Variants in CTNNA3 observed in about 807,000 individuals in gnomAD.
CTNNA3 encodes the protein catenin alpha 3.
CTNNA3 carries 76 observed loss-of-function variants against 95.7 expected under a neutral mutation model. That is an observed-to-expected ratio of 0.79 (90% CI 0.66 to 0.96). CTNNA3 has a LOEUF of 0.96. CTNNA3 is among the 40% of genes least tolerant of loss of function. The pLI, the probability that CTNNA3 is intolerant of heterozygous loss-of-function variation, is 0.00. For synonymous variants in CTNNA3, 431 were observed against 374.4 expected (o/e 1.15, Z -1.74); for missense variants, 1,191 against 1,089.8 (o/e 1.09, Z -1.31).
At chr10:66,601,284 A>T (rs987507159) in intron 10 of CTNNA3, among the ~76,000 whole-genome samples, 2 of 151,990 alleles carry the variant, frequency 1.3e-5, no homozygotes, top group African/African-American at 4.8e-5. Context: ...AATTGAAAAA[A>T]AAGTAGTTTA....
intron 4 of CTNNA3, among the ~76,000 whole-genome samples, chr10:67,535,964 T>A (rs2077486671): frequency 1.3e-5 from 2 of 151,596 alleles, no homozygotes; most frequent in Non-Finnish European, 2.9e-5. Flanking sequence ...ACACCATGAG[T>A]AAAAGCAAGG....
At position 66,367,635 on chromosome 10, in the gene CTNNA3, A is replaced by G. The variant is rs1267216311; in HGVS notation, c.1732+11517T>C. 2.0e-5 allele frequency among the ~76,000 whole-genome samples: 3 copies of G among 149,738 alleles called. No individual in the cohort carries two copies. In the East Asian group the frequency reaches 5.9e-4, roughly 29 times the overall value. On this transcript the variant is annotated intron_variant, in intron 12 of 17. Coordinates refer to ENST00000433211, the MANE Select transcript of CTNNA3 (RefSeq NM_013266.4). Reference sequence around the variant, plus strand: ...CAATGACAAAAGAAATGACAAATATAGGAAATGAACAAATACAAAAAGTTA... The same window carrying G: ...CAATGACAAAAGAAATGACAAATATGGGAAATGAACAAATACAAAAAGTTA...
At chr10:66,749,312 G>T (rs1326797925) in intron 9 of CTNNA3, among the ~76,000 whole-genome samples, 1 of 150,586 alleles carries the variant, frequency 6.6e-6, no homozygotes, top group Non-Finnish European at 1.5e-5. Context: ...ATCCACCGTT[G>T]CAGTATCCTA....
intron 7 of CTNNA3, among the ~76,000 whole-genome samples, chr10:66,990,086 G>A (rs1850960477): frequency 6.6e-6 from 1 of 152,132 alleles, no homozygotes; most frequent in African/African-American, 2.4e-5. Context: ...GGTTGGAGAA[G>A]TCTTCATTTT....
rs11816239 is a variant in CTNNA3, at chr10:66,244,445, C to T, written c.1884+36025G>A. ...AGTTACAGTGGGCTTTGAGCAAGAC[C>T]CAGTGCTGTGCTGATTTCAGGTCTA... On this transcript the variant is annotated intron_variant, in intron 13 of 17. Coordinates refer to ENST00000433211, the MANE Select transcript of CTNNA3 (RefSeq NM_013266.4). Among the ~76,000 whole-genome samples, 669 of 152,230 alleles carry T rather than the reference C, an allele frequency of 4.4e-3. 1 individual carries two copies. The highest frequency in any genetic ancestry group is 0.015 in the African/African-American group (632 of 41,538).
chr10:66,687,315 A>T lies in CTNNA3; in HGVS notation c.1282-65531T>A, dbSNP rs571734865. 1.1e-3 allele frequency among the ~76,000 whole-genome samples: 174 copies of T among 152,088 alleles called. 1 individual carries two copies. Among genetic ancestry groups the T allele is most frequent in the African/African-American group, 3.6e-3 (148 of 41,470 alleles). On this transcript the variant is annotated intron_variant, in intron 9 of 17. Coordinates refer to ENST00000433211, the MANE Select transcript of CTNNA3 (RefSeq NM_013266.4). ...TCCTTCACCAAGAAAATTACAAAAG[A>T]CCTTGATATTGAAGGCTTCTTCTTT...
chr10:67,230,876 C>A (rs989141883), intron 5 of CTNNA3, among the ~76,000 whole-genome samples: 2 of 152,174 alleles, frequency 1.3e-5, no homozygotes, highest in African/African-American at 2.4e-5. Flanking sequence ...CGCAGGGGGT[C>A]AGGGAGTTCC....
At chr10:66,692,408 G>T in intron 9 of CTNNA3, among the ~76,000 whole-genome samples, 1 of 152,104 alleles carries the variant, frequency 6.6e-6, no homozygotes, top group Non-Finnish European at 1.5e-5. Flanking sequence ...GGGAAGTTTA[G>T]AGAAAAAAGA....
At chr10:67,340,980 T>TGTTA (rs1842163191) in intron 5 of CTNNA3, among the ~76,000 whole-genome samples, 1 of 151,812 alleles carries the variant, frequency 6.6e-6, no homozygotes, top group Non-Finnish European at 1.5e-5. Context: ...GACAAAGGAG[T>TGTTA]GTTAAGTCCT....
intron 7 of CTNNA3, chr10:67,097,574 C>A: frequency 1.2e-6 from 2 of 1,609,998 alleles, no homozygotes; most frequent in South Asian, 2.2e-5. Flanking sequence ...TTTCTCATGT[C>A]ATTTTTCCCC....
chr10:65,935,917 T>C (rs2077329941), intron 17 of CTNNA3, among the ~76,000 whole-genome samples: 1 of 152,194 alleles, frequency 6.6e-6, no homozygotes, highest in African/African-American at 2.4e-5. Context: ...CATATTTTAT[T>C]GGAACTGATA....
intron 12 of CTNNA3, among the ~76,000 whole-genome samples, chr10:66,332,508 T>A (rs2092343469): frequency 6.6e-6 from 1 of 152,092 alleles, no homozygotes; most frequent in African/African-American, 2.4e-5. Flanking sequence ...TCATTGGTTC[T>A]GTTTATACAC....
At chr10:67,016,029 T>G (rs201688618) in intron 7 of CTNNA3, among the ~76,000 whole-genome samples, 44 of 76,446 alleles carry the variant, frequency 5.8e-4, no homozygotes, top group Non-Finnish European at 1.2e-3. Context: ...TGCTGTATAC[T>G]CTCTTCTTTG....
intron 5 of CTNNA3, among the ~76,000 whole-genome samples, chr10:67,361,724 C>A (rs1346937658): frequency 6.6e-6 from 1 of 151,850 alleles, no homozygotes; most frequent in Non-Finnish European, 1.5e-5. Flanking sequence ...CTAGAAAAAA[C>A]AAGAAGAAAC....
At chr10:66,370,892 A>C (rs949122579) in intron 12 of CTNNA3, among the ~76,000 whole-genome samples, 1 of 151,498 alleles carries the variant, frequency 6.6e-6, no homozygotes, top group Admixed American at 6.6e-5. Flanking sequence ...TTTAATTACT[A>C]TTTTCTTCTT....
chr10:67,156,977 A>G (rs1171312991), intron 7 of CTNNA3, among the ~76,000 whole-genome samples: 1 of 152,076 alleles, frequency 6.6e-6, no homozygotes, highest in African/African-American at 2.4e-5. Flanking sequence ...TGTTGGGTAC[A>G]TATATTTATA....
intron 13 of CTNNA3, among the ~76,000 whole-genome samples, chr10:66,167,193 T>G (rs971268271): frequency 5.9e-5 from 9 of 151,918 alleles, no homozygotes; most frequent in African/African-American, 9.7e-5. Context: ...AGAGGAGAGA[T>G]TAAGTGTGAT....
intron 7 of CTNNA3, chr10:66,926,596 T>G: frequency 6.2e-7 from 1 of 1,614,032 alleles, no homozygotes; most frequent in Non-Finnish European, 8.5e-7. Flanking sequence ...GGGTATGTTT[T>G]GTCATTTTTC....
chr10:66,658,493 C>T (rs1446138782), intron 9 of CTNNA3, among the ~76,000 whole-genome samples: 2 of 152,006 alleles, frequency 1.3e-5, no homozygotes, highest in Non-Finnish European at 2.9e-5. Context: ...ATTATTCTGC[C>T]TCAGTGAAAA....
Sources: allele counts gnomAD v4.1 joint callset (sites outside exome capture counted in the v4.1 genomes callset), GRCh38; gene constraint gnomAD v4.1.1; transcripts MANE v1.5; gene names NCBI Gene and HGNC (gene_info 2026-07-23, HGNC 2026-07-21).